ENPP6: variants seen among roughly 807,000 people sequenced by gnomAD.
The protein encoded by ENPP6 is glycerophosphocholine cholinephosphodiesterase ENPP6.
Under a neutral mutation model 42.0 loss-of-function variants are expected in ENPP6, and 32 were observed. The observed-to-expected ratio is 0.76, with a 90% CI of 0.58 to 1.02. The LOEUF is 1.02. ENPP6 is among the 50% of genes least tolerant of loss of function. The pLI, the probability that ENPP6 is intolerant of heterozygous loss-of-function variation, is 0.00. For missense variants in ENPP6, 552 were observed against 566.8 expected (o/e 0.97, Z 0.27); for synonymous variants, 213 against 216.0 (o/e 0.99, Z 0.12).
At chr4:184,175,853 T>C (rs1465545406) in intron 1 of ENPP6, among the ~76,000 whole-genome samples, 1 of 152,134 alleles carries the variant, frequency 6.6e-6, no homozygotes, top group African/African-American at 2.4e-5. Flanking sequence ...GCCTGCTAGG[T>C]GCACCGGGTC....
intron 2 of ENPP6, among the ~76,000 whole-genome samples, chr4:184,134,725 T>C (rs1056787545): frequency 1.3e-5 from 2 of 151,974 alleles, no homozygotes; most frequent in Non-Finnish European, 2.9e-5. Flanking sequence ...TTATTTTCTA[T>C]TTTATTCATT....
rs994409260 is a variant in ENPP6, at chr4:184,090,976, C to T, written c.*201G>A. Reference sequence around the variant, plus strand: ...AAATGGAAAGCTAGGATTTTCCTACCTTCTGGAAAAACAAGGTTTGTATCT... The same window carrying T: ...AAATGGAAAGCTAGGATTTTCCTACTTTCTGGAAAAACAAGGTTTGTATCT... On this transcript the variant is annotated 3_prime_UTR_variant, in exon 8 of 8. Transcript: ENST00000296741. 1 of 495,588 alleles carries T rather than the reference C, an allele frequency of 2.0e-6. No homozygotes were observed. The highest frequency in any genetic ancestry group is 3.3e-6 in the Non-Finnish European group (1 of 298,564). 30.7% of individuals were successfully genotyped at this position (495,588 alleles called of 1,614,324 possible). A position where few individuals can be genotyped will look rare whatever the true frequency, so the allele number is the denominator to read the frequency against.
Position 184,154,344 on chromosome 4 carries a change from A to AC in ENPP6, c.242-612_242-611insG, listed in dbSNP as rs1373086567. ...CTGTTGAGCACAGCTTAGTCCCAGA[A>AC]GACAAGCCAGAAGTGAGAGACGCAA... On this transcript the variant is annotated intron_variant, in intron 1 of 7. Transcript: ENST00000296741. 6.6e-5 allele frequency among the ~76,000 whole-genome samples: 10 copies of AC among 152,368 alleles called. No individual in the cohort carries two copies. In the East Asian group the frequency reaches 1.7e-3, roughly 26 times the overall value.
At chr4:184,192,578 A>G (rs1209056132) in intron 1 of ENPP6, among the ~76,000 whole-genome samples, 4 of 152,226 alleles carry the variant, frequency 2.6e-5, no homozygotes, top group Non-Finnish European at 5.9e-5. Flanking sequence ...ACAAGTCGTA[A>G]AAGGAAAAGT....
In ENPP6 at chr4:184,208,387, C is replaced by G. The variant is rs1432618146; in HGVS notation, c.241+9192G>C. Among the ~76,000 whole-genome samples the G allele has an allele frequency of 6.6e-5, 10 of 152,272 alleles. No homozygotes were observed. The South Asian group carries it at 1.4e-3, about 22-fold the overall frequency. On this transcript the variant is annotated intron_variant, in intron 1 of 7. Coordinates refer to ENST00000296741, the MANE Select transcript of ENPP6 (RefSeq NM_153343.4). ...GCGCAGGTCAGTGGGTGCGCGCACC[C>G]TGCGCGAGCCGAAGCGGGGCGAGGC...
Position 184,090,852 on chromosome 4 carries a change from TA to T in ENPP6, c.*324del, listed in dbSNP as rs1430364694. ...GGCCCAGAGCCACGTCTGTCTGCAA[TA>T]ACCACTCCAAGTTTGGTTGCTGCAG... is the stretch of plus-strand genomic sequence containing the variant. On this transcript the variant is annotated 3_prime_UTR_variant, in exon 8 of 8. Coordinates refer to ENST00000296741, the MANE Select transcript of ENPP6 (RefSeq NM_153343.4). The T allele has an allele frequency of 2.3e-6, 1 of 434,300 alleles. No individual in the cohort carries two copies. Among genetic ancestry groups the T allele is most frequent in the East Asian group, 3.4e-5 (1 of 29,018 alleles). The allele number at this position is 434,300 out of a possible 1,614,324, so 26.9% of individuals were successfully genotyped here.
At position 184,104,879 on chromosome 4, in the gene ENPP6, C is replaced by G. The variant is rs192635968; in HGVS notation, c.994-7511G>C. On this transcript the variant is annotated intron_variant, in intron 6 of 7. Coordinates refer to ENST00000296741, the MANE Select transcript of ENPP6 (RefSeq NM_153343.4). ...ACCTGCCCTCAGGGAGCCTCCACTC[C>G]GGCAAGGCAGAGTCCAAAACAGACA... Among the ~76,000 whole-genome samples the G allele has an allele frequency of 3.8e-4, 58 of 152,294 alleles. No homozygotes were observed. In the South Asian group the frequency reaches 6.0e-3, roughly 16 times the overall value.
chr4:184,191,965 C>A (rs1309331641), intron 1 of ENPP6, among the ~76,000 whole-genome samples: 1 of 152,180 alleles, frequency 6.6e-6, no homozygotes, highest in East Asian at 1.9e-4. Context: ...CAAAGCATTG[C>A]TGAAGGAAAC....
intron 2 of ENPP6, among the ~76,000 whole-genome samples, chr4:184,134,011 C>T (rs1579627644): frequency 1.3e-5 from 2 of 151,866 alleles, no homozygotes; most frequent in East Asian, 3.9e-4. Context: ...ATTCAGGATG[C>T]AAATACTTTG....
chr4:184,167,784 C>A (rs7666944), intron 1 of ENPP6, among the ~76,000 whole-genome samples: 1 of 152,100 alleles, frequency 6.6e-6, no homozygotes, highest in Non-Finnish European at 1.5e-5. Flanking sequence ...TCACAGCAGC[C>A]GCAGCTGGTT....
chr4:184,144,278 A>G (rs1736881227), intron 2 of ENPP6, among the ~76,000 whole-genome samples: 1 of 152,108 alleles, frequency 6.6e-6, no homozygotes. Context: ...CCTCCCTCCA[A>G]ATCTACCACC....
At chr4:184,113,899 T>TTTTCTTTCTTTCTTTCTTTTCTTTCTTTC (rs1736257534) in intron 5 of ENPP6, among the ~76,000 whole-genome samples, 13 of 103,710 alleles carry the variant, frequency 1.3e-4, no homozygotes, top group African/African-American at 4.6e-4. Context: ...CCTTTCTTTC[T>TTTTCTTTCTTTCTTTCTTTTCTTTCTTTC]TTTCTTTCTT....
chr4:184,112,264 G>A (rs771753727), intron 6 of ENPP6, among the ~76,000 whole-genome samples: 8 of 152,326 alleles, frequency 5.3e-5, no homozygotes, highest in Admixed American at 3.3e-4. Flanking sequence ...GCAAACTGGG[G>A]ACTCACAGTC....
chr4:184,112,941 A>T, intron 5 of ENPP6, 132 bp from the exon 6 acceptor site: 1 of 1,103,572 alleles, frequency 9.1e-7, no homozygotes, highest in East Asian at 2.7e-5. Context: ...ATAGATTTGA[A>T]TATGTAAAAA....
chr4:184,131,162 T>C (rs1237915214), intron 2 of ENPP6, among the ~76,000 whole-genome samples: 1 of 54,002 alleles, frequency 1.9e-5, no homozygotes, highest in East Asian at 4.3e-4. Flanking sequence ...TCTTTCTTTC[T>C]TTCTTTCTTT....
chr4:184,179,279 G>T (rs1047778003), intron 1 of ENPP6, among the ~76,000 whole-genome samples: 2 of 152,078 alleles, frequency 1.3e-5, no homozygotes, highest in African/African-American at 4.8e-5. Context: ...AAGACAAACA[G>T]GGGCATTATA....
chr4:184,124,270 A>G lies in ENPP6; in HGVS notation c.424T>C (p.Cys142Arg). Reference protein sequence around the residue: ...RKVYMYYWPGCEVEILGVRPT... With the variant: ...RKVYMYYWPGREVEILGVRPT... ...CTGACACCCAGAATCTCAACCTCACAGCCTGAGAAGGAAAAAGATGGCAAA... is the reference window on the plus strand; with the variant it reads ...CTGACACCCAGAATCTCAACCTCACGGCCTGAGAAGGAAAAAGATGGCAAA... The change falls in exon 3 of 8, where the codon TGT becomes CGT. Residue 142 changes from cysteine to arginine, a missense_variant and splice_region_variant. Cys to Arg is a radical substitution (Grantham distance 180). This residue lies in a region of ENPP6 where 545 missense variants were observed against 546.3 expected (regional missense o/e 1.00). Transcript: ENST00000296741. 5 of 1,612,076 alleles carry G rather than the reference A, an allele frequency of 3.1e-6. No homozygotes were observed. The highest frequency in any genetic ancestry group is 4.2e-6 in the Non-Finnish European group (5 of 1,178,494).
rs184919549 is a variant in ENPP6, at chr4:184,136,213, A to G, written c.422-11941T>C. On this transcript the variant is annotated intron_variant, in intron 2 of 7. Transcript: ENST00000296741. The stretch of plus-strand genomic sequence containing the variant: ...AAAGTCTATTAGTCTATTAAATTTT[A>G]TATAAATATAAAATTTATATTAAAA... Among the ~76,000 whole-genome samples, 5 of 151,378 alleles carry G rather than the reference A, an allele frequency of 3.3e-5. No homozygotes were observed. In the East Asian group the frequency reaches 9.7e-4, roughly 29 times the overall value.
At chr4:184,211,207 A>G (rs1236742720) in intron 1 of ENPP6, among the ~76,000 whole-genome samples, 3 of 152,098 alleles carry the variant, frequency 2.0e-5, no homozygotes, top group Non-Finnish European at 4.4e-5. Context: ...CACATTCAAA[A>G]GCTAGCAGAA....
Sources: allele counts gnomAD v4.1 joint callset (sites outside exome capture counted in the v4.1 genomes callset), GRCh38; gene constraint gnomAD v4.1.1; regional missense constraint gnomAD v4.1.1; transcripts MANE v1.5; gene names NCBI Gene and HGNC (gene_info 2026-07-23, HGNC 2026-07-21).